AEBP2: variants seen among roughly 807,000 people sequenced by gnomAD.
The protein encoded by AEBP2 is AE binding protein 2, also known as zinc finger protein AEBP2.
A neutral mutation model predicts 50.8 loss-of-function variants in AEBP2; 10 were observed. The ratio of observed to expected loss-of-function variants is 0.20; its 90% CI spans 0.12 to 0.33. The LOEUF is 0.33. Among genes scored for constraint, AEBP2 ranks in the 10% least tolerant of loss-of-function variants. The pLI, the probability that AEBP2 is intolerant of heterozygous loss-of-function variation, is 1.00. For missense variants in AEBP2, 570 were observed against 688.0 expected, an observed-to-expected ratio of 0.83 and a Z score of 1.92; for synonymous variants, 296 against 261.3, an observed-to-expected ratio of 1.13 and a Z score of -1.28.
intron 1 of AEBP2, among the ~76,000 whole-genome samples, chr12:19,451,144 G>C (rs1289048597): frequency 6.6e-6 from 1 of 152,172 alleles, no homozygotes; most frequent in Non-Finnish European, 1.5e-5. Flanking sequence ...CTGCATGACA[G>C]CCCTTTTCCA....
At chr12:19,425,305 A>G (rs1011808453) in intron 1 of AEBP2, among the ~76,000 whole-genome samples, 2 of 152,244 alleles carry the variant, frequency 1.3e-5, no homozygotes, top group Non-Finnish European at 2.9e-5. Flanking sequence ...TAATACCTCT[A>G]TAACATCATG....
chr12:19,491,492 C>T (rs1271658311), intron 3 of AEBP2, among the ~76,000 whole-genome samples: 12 of 152,052 alleles, frequency 7.9e-5, no homozygotes, highest in Admixed American at 7.9e-4. Context: ...GTATCTATAT[C>T]TTATTCATCT....
Position 19,440,177 on chromosome 12 carries a change from G to T in AEBP2, c.478G>T (p.Glu160Ter). 6.8e-7 allele frequency: 1 copy of T among 1,475,708 alleles called. No individual in the cohort carries two copies. Among genetic ancestry groups the T allele is most frequent in the Non-Finnish European group, 8.9e-7 (1 of 1,123,714 alleles). The allele number at this position is 1,475,708 out of a possible 1,614,324, so 91.4% of individuals were successfully genotyped here. A position where few individuals can be genotyped will look rare whatever the true frequency, so the allele number is the denominator to read the frequency against. ...TGGGGACGGCAAGGAGGGCCTGGAG[G>T]AGCCCAAGGGACCGCGGGGCAGCCA... is the stretch of plus-strand genomic sequence containing the variant. Reference protein sequence around the residue: ...GDGDGKEGLEEPKGPRGSQGG... With the variant: ...GDGDGKEGLE The change falls in exon 1 of 8, where the codon GAG becomes TAG. Residue 160 changes from glutamate (E) to a stop codon, truncating the protein, a stop_gained. Coordinates refer to ENST00000266508, the MANE Select transcript of AEBP2 (RefSeq NM_153207.5). LOFTEE classifies it high-confidence loss of function.
chr12:19,448,349 T>C (rs968472029), intron 1 of AEBP2, among the ~76,000 whole-genome samples: 2 of 152,098 alleles, frequency 1.3e-5, no homozygotes, highest in Non-Finnish European at 2.9e-5. Context: ...ATACAAAAAT[T>C]AGGCGCATGC....
chr12:19,476,877 G>A lies in AEBP2; in HGVS notation c.987+3522G>A, dbSNP rs139532919. Among the ~76,000 whole-genome samples, 934 of 152,224 alleles carry A rather than the reference G, an allele frequency of 6.1e-3. 13 individuals carry two copies. Among genetic ancestry groups the A allele is most frequent in the African/African-American group, 0.021 (871 of 41,540 alleles). On this transcript the variant is annotated intron_variant, in intron 3 of 7. Transcript: ENST00000266508. ...TGATGATGGTACTTTGATGGGAATT[G>A]CGTTGAATCTGTAGATTGCTTTTGG...
intron 1 of AEBP2, 88 bp from the exon 2 acceptor site, chr12:19,462,422 A>G: frequency 9.1e-7 from 1 of 1,098,876 alleles, no homozygotes; most frequent in Non-Finnish European, 1.3e-6. Context: ...GCAGAATGTC[A>G]AGTGGTAATC....
intron 3 of AEBP2, among the ~76,000 whole-genome samples, chr12:19,489,870 G>GTTT (rs145319011): frequency 1.5e-5 from 2 of 137,376 alleles, no homozygotes; most frequent in Admixed American, 7.4e-5. Flanking sequence ...TTTTACTTCT[G>GTTT]TTTTTTTTTA....
intron 5 of AEBP2, among the ~76,000 whole-genome samples, chr12:19,500,766 C>T (rs1007752043): frequency 1.4e-4 from 22 of 152,248 alleles, no homozygotes; most frequent in South Asian, 8.3e-4. Flanking sequence ...TTGCCTGGCA[C>T]ATGGTAGGCA....
At chr12:19,411,855 C>T (rs1479280201) in intron 1 of AEBP2, among the ~76,000 whole-genome samples, 15 of 152,194 alleles carry the variant, frequency 9.9e-5, no homozygotes, top group Admixed American at 5.9e-4. Context: ...AAAATTATTG[C>T]GCACATTTTA....
At chr12:19,424,053 A>C (rs1460657384) in intron 1 of AEBP2, among the ~76,000 whole-genome samples, 1 of 152,182 alleles carries the variant, frequency 6.6e-6, no homozygotes, top group African/African-American at 2.4e-5. Flanking sequence ...ATGAGAATGG[A>C]TGTTATTTAC....
chr12:19,421,558 G>A (rs1463961875), intron 1 of AEBP2, among the ~76,000 whole-genome samples: 1 of 151,762 alleles, frequency 6.6e-6, no homozygotes, highest in Non-Finnish European at 1.5e-5. Flanking sequence ...GGAGGTTGAG[G>A]CTGCAGTAAA....
chr12:19,415,974 A>T (rs943508887), intron 1 of AEBP2, among the ~76,000 whole-genome samples: 1 of 152,164 alleles, frequency 6.6e-6, no homozygotes, highest in Non-Finnish European at 1.5e-5. Context: ...GGATCACTTG[A>T]GAGTTCCAGA....
intron 1 of AEBP2, among the ~76,000 whole-genome samples, chr12:19,444,017 G>A (rs1307110774): frequency 1.3e-5 from 2 of 151,972 alleles, no homozygotes; most frequent in Non-Finnish European, 2.9e-5. Flanking sequence ...AAGATAGTAG[G>A]GAGAAGTATT....
intron 1 of AEBP2, among the ~76,000 whole-genome samples, chr12:19,407,254 T>C (rs1025229258): frequency 1.3e-5 from 2 of 152,142 alleles, no homozygotes; most frequent in African/African-American, 4.8e-5. Flanking sequence ...AGTAAGCTAT[T>C]GGTACCGCTG....
rs1264577955 is a variant in AEBP2, at chr12:19,518,339, T to G, written c.*222T>G. 3 of 1,251,856 alleles carry G rather than the reference T, an allele frequency of 2.4e-6. No homozygotes were observed. The highest frequency in any genetic ancestry group is 3.0e-6 in the Non-Finnish European group (3 of 998,388). The allele number at this position is 1,251,856 out of a possible 1,614,324, so 77.5% of individuals were successfully genotyped here. A position where few individuals can be genotyped will look rare whatever the true frequency, so the allele number is the denominator to read the frequency against. ...ATTAATATATTACTGTATATCCACATTTTCATGGAATGGTACTGTGGGAGA... is the reference window on the plus strand; with the variant it reads ...ATTAATATATTACTGTATATCCACAGTTTCATGGAATGGTACTGTGGGAGA... On this transcript the variant is annotated 3_prime_UTR_variant, in exon 8 of 8. Coordinates refer to ENST00000266508, the MANE Select transcript of AEBP2 (RefSeq NM_153207.5).
intron 1 of AEBP2, among the ~76,000 whole-genome samples, chr12:19,416,167 G>A (rs554923186): frequency 1.9e-4 from 29 of 152,242 alleles, no homozygotes; most frequent in Admixed American, 6.5e-4. Flanking sequence ...TAGTGACAGA[G>A]TGAAACCTTG....
chr12:19,515,504 A>G lies in AEBP2; in HGVS notation c.1481+720A>G, dbSNP rs372327643. On this transcript the variant is annotated intron_variant, in intron 7 of 7. Coordinates refer to ENST00000266508, the MANE Select transcript of AEBP2 (RefSeq NM_153207.5). Reference sequence around the variant, plus strand: ...GTTGAACTCCATAGTGCCTGTATCCAAATGATGTACACGAGAGTGATTAAA... The same window carrying G: ...GTTGAACTCCATAGTGCCTGTATCCGAATGATGTACACGAGAGTGATTAAA... Among the ~76,000 whole-genome samples the G allele has an allele frequency of 1.0e-3, 152 of 152,340 alleles. 1 individual carries two copies. The highest frequency in any genetic ancestry group is 3.5e-3 in the African/African-American group (147 of 41,580).
At chr12:19,489,310 CA>C (rs1948860816) in intron 3 of AEBP2, among the ~76,000 whole-genome samples, 1 of 152,216 alleles carries the variant, frequency 6.6e-6, no homozygotes, top group African/African-American at 2.4e-5. Flanking sequence ...CTCTTCTTCA[CA>C]AGGTGGTGGC....
At chr12:19,459,956 T>C (rs1185284929) in intron 1 of AEBP2, among the ~76,000 whole-genome samples, 1 of 152,200 alleles carries the variant, frequency 6.6e-6, no homozygotes. Flanking sequence ...GTGCAGTGGC[T>C]AATGCCTGTA....
Sources: gnomAD v4.1 joint callset for allele counts (sites outside exome capture counted in the v4.1 genomes callset) on GRCh38, gnomAD v4.1.1 for gene constraint, MANE v1.5 for transcripts, NCBI Gene and HGNC (gene_info 2026-07-23, HGNC 2026-07-21) for gene names.